The following UBE2D1 variants were observed in gnomAD, a reference collection of about 807,000 sequenced individuals.
UBE2D1 encodes the protein ubiquitin-conjugating enzyme E2 D1.
Under a neutral mutation model 24.6 loss-of-function variants are expected in UBE2D1, and 9 were observed. The observed-to-expected ratio is 0.37, with a 90% CI of 0.22 to 0.64. The LOEUF (loss-of-function observed/expected upper bound fraction) is 0.64. UBE2D1 is among the 30% of genes least tolerant of loss of function. UBE2D1 has a pLI of 0.64. For missense variants in UBE2D1, 87 were observed against 177.1 expected (o/e 0.49, Z 2.89); for synonymous variants, 57 against 57.6 (o/e 0.99, Z 0.04).
At position 58,368,818 on chromosome 10, in the gene UBE2D1, T is replaced by C. The variant is rs1390087118; in HGVS notation, c.*53T>C. The C allele has an allele frequency of 1.2e-5, 15 of 1,288,792 alleles. No homozygotes were observed. Among genetic ancestry groups the C allele is most frequent in the African/African-American group, 1.1e-4 (7 of 66,106 alleles). 79.8% of individuals were successfully genotyped at this position (1,288,792 alleles called of 1,614,324 possible). A position where few individuals can be genotyped will look rare whatever the true frequency, so the allele number is the denominator to read the frequency against. On this transcript the variant is annotated 3_prime_UTR_variant, in exon 7 of 7. Transcript: ENST00000373910. ...GAGTACTGTAAAATCTAGGTTTTTT[T>C]CAACATTAGCAGTAAATTGAGCACT... is the stretch of plus-strand genomic sequence containing the variant.
intron 1 of UBE2D1, chr10:58,360,976 C>G (rs1285426864): frequency 2.2e-6 from 1 of 463,192 alleles, no homozygotes; most frequent in East Asian, 6.4e-5. Flanking sequence ...CTTCATGCTC[C>G]CTCAATAGAT....
chr10:58,352,590 C>CA (rs1840089250), intron 1 of UBE2D1, among the ~76,000 whole-genome samples: 7 of 150,496 alleles, frequency 4.7e-5, no homozygotes, highest in Admixed American at 2.6e-4. Flanking sequence ...TCTCTTAAAT[C>CA]GAAAAAAAAA....
rs1840302439 is a variant in UBE2D1, at chr10:58,370,380, A to G, written c.*1615A>G. On this transcript the variant is annotated 3_prime_UTR_variant, in exon 7 of 7. Coordinates refer to ENST00000373910, the MANE Select transcript of UBE2D1 (RefSeq NM_003338.5). ...CTTGAGTATTTTGTCATGGTTCATT[A>G]TTATTAAAGCACAAAATAACCTATT... is the stretch of plus-strand genomic sequence containing the variant. 6.6e-6 allele frequency: 1 copy of G among 152,598 alleles called. No homozygotes were observed. The highest frequency in any genetic ancestry group is 6.6e-5 in the Admixed American group (1 of 15,246). The allele number at this position is 152,598 out of a possible 1,614,324, so 9.5% of individuals were successfully genotyped here. A position where few individuals can be genotyped will look rare whatever the true frequency, so the allele number is the denominator to read the frequency against.
At chr10:58,336,561 A>T (rs921602809) in intron 1 of UBE2D1, among the ~76,000 whole-genome samples, 1 of 152,214 alleles carries the variant, frequency 6.6e-6, no homozygotes, top group African/African-American at 2.4e-5. Flanking sequence ...ATTGTAAAAC[A>T]TACAGTTAAC....
In UBE2D1 at chr10:58,368,707, T is replaced by C; in HGVS notation, c.399-13T>C. The C allele has an allele frequency of 6.4e-7, 1 of 1,554,426 alleles. No individual in the cohort carries two copies. Among genetic ancestry groups the C allele is most frequent in the Non-Finnish European group, 8.7e-7 (1 of 1,146,626 alleles). On this transcript the variant is annotated splice_polypyrimidine_tract_variant and intron_variant, in intron 6 of 6. Coordinates refer to ENST00000373910, the MANE Select transcript of UBE2D1 (RefSeq NM_003338.5). Reference sequence around the variant, plus strand: ...TTGTATGTTTTTACTATATCCTTTTTGTGTATCTACAGATACAACAGACAT... The same window carrying C: ...TTGTATGTTTTTACTATATCCTTTTCGTGTATCTACAGATACAACAGACAT...
chr10:58,357,241 G>A (rs569493790), intron 1 of UBE2D1, among the ~76,000 whole-genome samples: 20 of 152,180 alleles, frequency 1.3e-4, no homozygotes, highest in South Asian at 2.1e-4. Context: ...TAACATATCC[G>A]TTTGGAATAA....
intron 1 of UBE2D1, among the ~76,000 whole-genome samples, chr10:58,360,343 T>C (rs1483350008): frequency 6.6e-6 from 1 of 152,136 alleles, no homozygotes; most frequent in Non-Finnish European, 1.5e-5. Context: ...GATGATCAGT[T>C]TCTCCCAAAC....
At chr10:58,342,421 A>G (rs1024621070) in intron 1 of UBE2D1, among the ~76,000 whole-genome samples, 4 of 151,940 alleles carry the variant, frequency 2.6e-5, no homozygotes, top group African/African-American at 9.7e-5. Context: ...GCTTCCTCAG[A>G]TAATAATCTG....
At chr10:58,344,434 G>A (rs1241252975) in intron 1 of UBE2D1, among the ~76,000 whole-genome samples, 2 of 151,998 alleles carry the variant, frequency 1.3e-5, no homozygotes, top group Non-Finnish European at 2.9e-5. Flanking sequence ...AAACTTAATG[G>A]ATTGAACTTG....
chr10:58,357,695 G>GA (rs965392299), intron 1 of UBE2D1, among the ~76,000 whole-genome samples: 2 of 151,924 alleles, frequency 1.3e-5, no homozygotes, highest in African/African-American at 4.8e-5. Flanking sequence ...ACGTATTTCT[G>GA]AAAAAATAAC....
chr10:58,346,456 A>G (rs1420174384), intron 1 of UBE2D1, among the ~76,000 whole-genome samples: 1 of 152,214 alleles, frequency 6.6e-6, no homozygotes, highest in East Asian at 1.9e-4. Context: ...TGAAGGTTTC[A>G]GGGAAAACCT....
chr10:58,338,580 TCATTA>T (rs1839928000), intron 1 of UBE2D1, among the ~76,000 whole-genome samples: 1 of 152,212 alleles, frequency 6.6e-6, no homozygotes, highest in African/African-American at 2.4e-5. Context: ...AATACTATTT[TCATTA>T]CTTGAAACAC....
Position 58,335,072 on chromosome 10 carries a change from G to C in UBE2D1, c.-130G>C. 7.2e-6 allele frequency: 7 copies of C among 970,334 alleles called. No individual in the cohort carries two copies. The highest frequency in any genetic ancestry group is 1.1e-5 in the Non-Finnish European group (7 of 652,452). The allele number at this position is 970,334 out of a possible 1,614,324, so 60.1% of individuals were successfully genotyped here. Reference sequence around the variant, plus strand: ...GGACCGGCGCCCGGAGCGAGCCAGGGAGCGGCTAACCGGGGACCCACCGCG... The same window carrying C: ...GGACCGGCGCCCGGAGCGAGCCAGGCAGCGGCTAACCGGGGACCCACCGCG... On this transcript the variant is annotated 5_prime_UTR_variant, in exon 1 of 7. Coordinates refer to ENST00000373910, the MANE Select transcript of UBE2D1 (RefSeq NM_003338.5).
At chr10:58,356,693 G>A (rs188101083) in intron 1 of UBE2D1, among the ~76,000 whole-genome samples, 7 of 152,250 alleles carry the variant, frequency 4.6e-5, no homozygotes, top group Non-Finnish European at 8.8e-5. Flanking sequence ...CTCCAACAGT[G>A]AGTGACATGC....
rs940553936 is a variant in UBE2D1, at chr10:58,336,759, T to C, written c.24+1534T>C. 7.9e-5 allele frequency among the ~76,000 whole-genome samples: 12 copies of C among 152,378 alleles called. 1 individual carries two copies. The South Asian group carries it at 1.9e-3, about 24-fold the overall frequency. Reference sequence around the variant, plus strand: ...AAATGCACATCTTCCAAGGAAGTTTTCAAATTCTATTTCCTTCTTTCCTAG... The same window carrying C: ...AAATGCACATCTTCCAAGGAAGTTTCCAAATTCTATTTCCTTCTTTCCTAG... On this transcript the variant is annotated intron_variant, in intron 1 of 6. Transcript: ENST00000373910.
intron 1 of UBE2D1, among the ~76,000 whole-genome samples, chr10:58,360,106 G>A (rs1840177895): frequency 6.6e-6 from 1 of 152,056 alleles, no homozygotes; most frequent in South Asian, 2.1e-4. Context: ...TCATTAATGT[G>A]GTCTGTATGG....
chr10:58,362,920 A>C (rs1033207171), intron 3 of UBE2D1, among the ~76,000 whole-genome samples: 1 of 151,246 alleles, frequency 6.6e-6, no homozygotes, highest in Non-Finnish European at 1.5e-5. Flanking sequence ...CTTTTTTTAA[A>C]ATTTTTTTGC....
Position 58,335,055 on chromosome 10 carries a change from G to A in UBE2D1, c.-147G>A, listed in dbSNP as rs941981762. The A allele has an allele frequency of 3.7e-6, 3 of 816,184 alleles. No individual in the cohort carries two copies. The highest frequency in any genetic ancestry group is 5.7e-6 in the Non-Finnish European group (3 of 526,642). The allele number at this position is 816,184 out of a possible 1,614,324, so 50.6% of individuals were successfully genotyped here. A position where few individuals can be genotyped will look rare whatever the true frequency, so the allele number is the denominator to read the frequency against. ...GGGCGCACACGGAGCAGGGACCGGC[G>A]CCCGGAGCGAGCCAGGGAGCGGCTA... On this transcript the variant is annotated 5_prime_UTR_variant, in exon 1 of 7. Coordinates refer to ENST00000373910, the MANE Select transcript of UBE2D1 (RefSeq NM_003338.5).
intron 1 of UBE2D1, among the ~76,000 whole-genome samples, chr10:58,345,362 C>T (rs919369003): frequency 3.3e-5 from 5 of 151,950 alleles, no homozygotes; most frequent in Non-Finnish European, 7.4e-5. Flanking sequence ...GTAGTCTCAG[C>T]TACTTGGGAG....
Sources: gnomAD v4.1 joint callset for allele counts (sites outside exome capture counted in the v4.1 genomes callset) on GRCh38, gnomAD v4.1.1 for gene constraint, MANE v1.5 for transcripts, NCBI Gene and HGNC (gene_info 2026-07-23, HGNC 2026-07-21) for gene names.